GRAMD4: variants seen among roughly 807,000 people sequenced by gnomAD.
The protein encoded by GRAMD4 is GRAM domain containing 4.
In GRAMD4, 25 loss-of-function variants were observed where a neutral mutation model predicts 83.9. The observed-to-expected ratio is 0.30, with a 90% CI of 0.22 to 0.42. The LOEUF is 0.42. Ranked by LOEUF, GRAMD4 falls within the 10% of genes least tolerant of loss-of-function variation. GRAMD4 has a pLI of 1.00. For missense variants in GRAMD4, 593 were observed against 788.7 expected (o/e 0.75, Z 2.97); for synonymous variants, 336 against 320.9 (o/e 1.05, Z -0.50).
intron 14 of GRAMD4, 33 bp downstream of exon 14, chr22:46,673,030 G>C (rs748627993): frequency 3.3e-6 from 5 of 1,512,006 alleles, no homozygotes; most frequent in Non-Finnish European, 4.4e-6. Context: ...GGGATGGGGG[G>C]ATGGGGGGCC....
chr22:46,616,683 C>T (rs62641523), upstream of GRAMD4, among the ~76,000 whole-genome samples: 50,364 of 59,780 alleles, frequency 0.84, 21,403 homozygotes, highest in East Asian at 0.95. Context: ...TTCCCCTGTG[C>T]GTGTAGGTTC....
At position 46,666,832 on chromosome 22, in the gene GRAMD4, C is replaced by T. The variant is rs1449116228; in HGVS notation, c.817C>T (p.Arg273Trp). ...SLNYLIARGW[R>W]IQWSIVPEVS... ...GTGTTTTCTGTTCGCCAGGGGGTGG[C>T]GGATACAGTGGAGCATCGTGCCCGA... Residue 273 changes from arginine to tryptophan, a missense_variant, in exon 10 of 19, where the codon CGG becomes TGG. By Grantham distance (101) the Arg-to-Trp change is moderately radical. Transcript: ENST00000406902. The T allele has an allele frequency of 6.2e-7, 1 of 1,609,732 alleles. No homozygotes were observed. Among genetic ancestry groups the T allele is most frequent in the Admixed American group, 1.7e-5 (1 of 59,578 alleles).
rs111744669 is a variant in GRAMD4 at position 46,620,670 on chromosome 22, A to G, written c.-50+105A>G. ...ACTCTCTGGGGCAGTGGTCCCAGCT[A>G]CCACGTGCTCTTCTGGAGCCATCTT... On this transcript the variant is annotated intron_variant, in intron 1 of 18. Transcript: ENST00000406902. This position sits in a 1 kb window ranked among gnomAD's most constrained non-coding sequence, Gnocchi z 4.7. The G allele has an allele frequency of 4.6e-5, 13 of 280,240 alleles. No homozygotes were observed. The highest frequency in any genetic ancestry group is 2.3e-4 in the African/African-American group (10 of 44,212). The allele number at this position is 280,240 out of a possible 1,614,324, so 17.4% of individuals were successfully genotyped here.
Position 46,626,760 on chromosome 22 carries a change from G to A in GRAMD4, c.-40G>A, listed in dbSNP as rs1479611478. 2 of 1,601,102 alleles carry A rather than the reference G, an allele frequency of 1.2e-6. No homozygotes were observed. The highest frequency in any genetic ancestry group is 1.7e-6 in the Non-Finnish European group (2 of 1,170,182). On this transcript the variant is annotated 5_prime_UTR_variant, in exon 2 of 19. Transcript: ENST00000406902. ...CGCCCCTCTCTTGCAGGGAACCCGA[G>A]CGTCATGTTAGGGTGAAGCAGAGGA...
At chr22:46,623,347 C>T (rs536389087) in intron 1 of GRAMD4, among the ~76,000 whole-genome samples, 22 of 152,306 alleles carry the variant, frequency 1.4e-4, no homozygotes, top group East Asian at 7.7e-4. Flanking sequence ...CTTGCTCTGC[C>T]GCATTCCGCA....
chr22:46,655,079 C>T (rs932805642), intron 3 of GRAMD4, among the ~76,000 whole-genome samples: 2 of 152,196 alleles, frequency 1.3e-5, no homozygotes, highest in Non-Finnish European at 2.9e-5. Flanking sequence ...GGCTGAGGGA[C>T]AGCTTACCCT....
At chr22:46,669,308 C>T (rs921367439) in intron 13 of GRAMD4, among the ~76,000 whole-genome samples, 1 of 152,180 alleles carries the variant, frequency 6.6e-6, no homozygotes, top group African/African-American at 2.4e-5. Flanking sequence ...TTGGTTGTAG[C>T]TGATGAGTTT....
intron 10 of GRAMD4, among the ~76,000 whole-genome samples, chr22:46,667,347 CAG>C (rs1416397207): frequency 2.6e-5 from 4 of 152,202 alleles, no homozygotes; most frequent in South Asian, 4.1e-4. Flanking sequence ...CTCAAAAAAA[CAG>C]AACAACGACA....
At chr22:46,646,167 G>A (rs975302946) in intron 3 of GRAMD4, among the ~76,000 whole-genome samples, 5 of 152,204 alleles carry the variant, frequency 3.3e-5, no homozygotes, top group South Asian at 2.1e-4. Context: ...AGGCTACCAC[G>A]CCCTGTCTCT....
In GRAMD4 at chr22:46,664,028, C is replaced by T. The variant is rs750129344; in HGVS notation, c.628C>T (p.Arg210Cys). Residue 210 changes from arginine (R) to cysteine (C), a missense_variant and splice_region_variant, in exon 8 of 19, where the codon CGC (arginine) becomes TGC (cysteine). Arg to Cys is a radical substitution (Grantham distance 180, BLOSUM62 -3). Coordinates refer to ENST00000406902, the MANE Select transcript of GRAMD4 (RefSeq NM_015124.5). ...ACTGTGGTCTGCTCTGTCCCCAGAG[C>T]GCGGTGCCAAGCCGGTCACTAACTT... ...RLTENMRRLK[R>C]GAKPVTNFVK... 32 of 1,612,114 alleles carry T rather than the reference C, an allele frequency of 2.0e-5. No individual in the cohort carries two copies. Among genetic ancestry groups the T allele is most frequent in the Non-Finnish European group, 2.5e-5 (29 of 1,178,854 alleles).
chr22:46,673,241 C>T (rs146916294), intron 14 of GRAMD4, among the ~76,000 whole-genome samples: 1 of 152,352 alleles, frequency 6.6e-6, no homozygotes, highest in African/African-American at 2.4e-5. Context: ...AGCCAGCAGG[C>T]CTGGGAGTGA....
At chr22:46,638,061 C>A in intron 3 of GRAMD4, 101 bp downstream of exon 3, 1 of 1,284,806 alleles carries the variant, frequency 7.8e-7, no homozygotes, top group Admixed American at 1.8e-5. Context: ...TGGTGAAGAC[C>A]CACGCAGGCT....
intron 4 of GRAMD4, among the ~76,000 whole-genome samples, chr22:46,661,020 C>T (rs2082318581): frequency 6.7e-6 from 1 of 150,308 alleles, no homozygotes; most frequent in Non-Finnish European, 1.5e-5. Context: ...TGGCTTGGTG[C>T]CTGATAAACA....
At chr22:46,618,431 C>G (rs1163786934), upstream of GRAMD4, among the ~76,000 whole-genome samples, 1 of 152,126 alleles carries the variant, frequency 6.6e-6, no homozygotes, top group Admixed American at 6.5e-5. This position sits in a 1 kb window ranked among gnomAD's most constrained non-coding sequence, Gnocchi z 5.8. Context: ...AGCGACGTCC[C>G]GGAGCCAAAC....
At position 46,646,079 on chromosome 22, in the gene GRAMD4, C is replaced by T. The variant is rs142174596; in HGVS notation, c.283+8119C>T. Among the ~76,000 whole-genome samples, 527 of 152,270 alleles carry T rather than the reference C, an allele frequency of 3.5e-3. 4 individuals are homozygous for T. Among genetic ancestry groups the T allele is most frequent in the Non-Finnish European group, 3.3e-3 (225 of 68,014 alleles). ...TTGCTAGGCTGTGTAGGGGAGCCCT[C>T]GTGACTGCCTTTCTTCTTCCTGTGT... On this transcript the variant is annotated intron_variant, in intron 3 of 18. Coordinates refer to ENST00000406902, the MANE Select transcript of GRAMD4 (RefSeq NM_015124.5).
At chr22:46,595,841 C>T (rs898234651) in intron 1 of GRAMD4, among the ~76,000 whole-genome samples, 2 of 152,240 alleles carry the variant, frequency 1.3e-5, no homozygotes, top group African/African-American at 4.8e-5. Context: ...GTCCAGATCC[C>T]CGGCCTTAAC....
chr22:46,592,261 C>G (rs2081217175), intron 1 of GRAMD4, among the ~76,000 whole-genome samples: 1 of 152,158 alleles, frequency 6.6e-6, no homozygotes, highest in Non-Finnish European at 1.5e-5. Context: ...AAGTGTGGTT[C>G]TTTTAAGTTG....
At chr22:46,630,007 A>T (rs1330509865) in intron 2 of GRAMD4, among the ~76,000 whole-genome samples, 3 of 150,028 alleles carry the variant, frequency 2.0e-5, no homozygotes, top group Non-Finnish European at 4.4e-5. Context: ...TCATATGGCC[A>T]GGCCACATTT....
chr22:46,577,631 T>A (rs1435658377), intron 1 of GRAMD4, among the ~76,000 whole-genome samples: 1 of 149,500 alleles, frequency 6.7e-6, no homozygotes, highest in African/African-American at 2.5e-5. Flanking sequence ...GCTGGGCCAC[T>A]GGAGGGGGAC....
Sources: gnomAD v4.1 joint callset for allele counts (sites outside exome capture counted in the v4.1 genomes callset) on GRCh38, gnomAD v4.1.1 for gene constraint, Gnocchi (gnomAD v3.1) non-coding constraint, MANE v1.5 for transcripts, NCBI Gene and HGNC (gene_info 2026-07-23, HGNC 2026-07-21) for gene names.